Variants in RFC1 observed in about 807,000 individuals in gnomAD.
RFC1 encodes A1 140 kDa subunit.
RFC1 carries 37 observed loss-of-function variants against 137.4 expected under a neutral mutation model. That is an observed-to-expected ratio of 0.27 (90% CI 0.21 to 0.35). The LOEUF is 0.35. RFC1 is among the 10% of genes least tolerant of loss of function. The pLI is 1.00. For missense variants in RFC1, 1,205 were observed against 1,358.5 expected (o/e 0.89, Z 1.78); for synonymous variants, 429 against 455.7 (o/e 0.94, Z 0.75).
intron 9 of RFC1, among the ~76,000 whole-genome samples, chr4:39,317,428 T>C (rs372868395): frequency 1.3e-5 from 2 of 152,378 alleles, no homozygotes; most frequent in South Asian, 4.1e-4. Flanking sequence ...GAAGATATTC[T>C]GTGTTAATCC....
chr4:39,289,882 T>C lies in RFC1; in HGVS notation c.3326A>G (p.Asp1109Gly). The C allele has an allele frequency of 6.2e-7, 1 of 1,613,354 alleles. No homozygotes were observed. The highest frequency in any genetic ancestry group is 1.1e-5 in the South Asian group (1 of 91,080). ...NEDDSQSDEK[D>G]QDAIETDAMI... The stretch of plus-strand genomic sequence containing the variant: ...GGCATCAGTTTCTATAGCATCTTGG[T>C]CTTTCTCATCAGATTGAGAGTCATC... The change falls in exon 24 of 25, where the codon GAC becomes GGC. Residue 1109 changes from aspartate (D) to glycine (G), a missense_variant. Asp to Gly is a moderately conservative substitution (Grantham distance 94). Transcript: ENST00000349703.
At chr4:39,355,136 C>CACACACAA (rs1383123973) in intron 1 of RFC1, among the ~76,000 whole-genome samples, 2 of 131,420 alleles carry the variant, frequency 1.5e-5, no homozygotes, top group Non-Finnish European at 3.2e-5. Flanking sequence ...CACACACACA[C>CACACACAA]AACAGGCCAG....
chr4:39,324,571 CAAACT>C (rs774411831), intron 6 of RFC1, among the ~76,000 whole-genome samples: 33 of 152,166 alleles, frequency 2.2e-4, no homozygotes, highest in Non-Finnish European at 3.1e-4. Flanking sequence ...TTTGAAAACA[CAAACT>C]AAACTGCCAA....
intron 2 of RFC1, among the ~76,000 whole-genome samples, chr4:39,347,400 T>C (rs896907275): frequency 6.6e-6 from 1 of 152,212 alleles, no homozygotes; most frequent in Non-Finnish European, 1.5e-5. Context: ...TTCCTGCCGT[T>C]GGACTCCAAC....
At chr4:39,314,178 A>G (rs973759588) in intron 10 of RFC1, among the ~76,000 whole-genome samples, 2 of 152,198 alleles carry the variant, frequency 1.3e-5, no homozygotes, top group African/African-American at 2.4e-5. Context: ...AGAAACAGCT[A>G]TGAAGGTGCT....
In RFC1 at chr4:39,291,691, T is replaced by C; in HGVS notation, c.3116A>G (p.Glu1039Gly). The change falls in exon 23 of 25, where the codon GAA (glutamate) becomes GGA (glycine). Residue 1039 changes from glutamate to glycine, a missense_variant. Around this residue, in one of 3 missense-constraint regions of RFC1, gnomAD observed 237 missense variants for 304.2 expected, o/e 0.78. Transcript: ENST00000349703. ...LMKEDFENIM[E>G]ISSWGGKPSP... ...AGGTTTGCCACCCCAGCTGCTGATT[T>C]CCATGATATTCTCAAAGTCTTCTTT... 6.2e-7 allele frequency: 1 copy of C among 1,614,174 alleles called. No homozygotes were observed. The highest frequency in any genetic ancestry group is 8.5e-7 in the Non-Finnish European group (1 of 1,180,010).
In RFC1 at chr4:39,302,958, C is replaced by T. The variant is rs55876914; in HGVS notation, c.2203-84G>A. 1.9e-5 allele frequency: 28 copies of T among 1,484,780 alleles called. No individual in the cohort carries two copies. In the African/African-American group the frequency reaches 3.6e-4, roughly 19 times the overall value. 92.0% of individuals were successfully genotyped at this position (1,484,780 alleles called of 1,614,324 possible). A position where few individuals can be genotyped will look rare whatever the true frequency, so the allele number is the denominator to read the frequency against. The stretch of plus-strand genomic sequence containing the variant: ...AGCTATTTTAGGTTCTAAAAATCTC[C>T]TCAGCAACATGCCTTAACTGCCCTA... On this transcript the variant is annotated intron_variant, in intron 16 of 24. Coordinates refer to ENST00000349703, the MANE Select transcript of RFC1 (RefSeq NM_002913.5).
chr4:39,350,369 A>T (rs1741125314), intron 2 of RFC1, among the ~76,000 whole-genome samples: 1 of 152,146 alleles, frequency 6.6e-6, no homozygotes, highest in Non-Finnish European at 1.5e-5. Flanking sequence ...TTGATAAAAG[A>T]TATAAATTTA....
chr4:39,352,444 A>C (rs1741257743), intron 1 of RFC1, among the ~76,000 whole-genome samples: 1 of 152,226 alleles, frequency 6.6e-6, no homozygotes, highest in Non-Finnish European at 1.5e-5. Context: ...TAACCTTTGC[A>C]TAGTCTTCCC....
chr4:39,341,402 G>A, intron 4 of RFC1: 1 of 355,290 alleles, frequency 2.8e-6, no homozygotes, highest in East Asian at 7.3e-5. Context: ...GCACAAAAAG[G>A]TTAAGAGTCA....
At position 39,324,550 on chromosome 4, in the gene RFC1, T is replaced by C. The variant is rs561632295; in HGVS notation, c.643-1133A>G. The stretch of plus-strand genomic sequence containing the variant: ...TGTAATTCAGTGTGATCAAATAAGA[T>C]AGAAAAACATTTTGAAAACACAAAC... On this transcript the variant is annotated intron_variant, in intron 6 of 24. Transcript: ENST00000349703. Among the ~76,000 whole-genome samples the C allele has an allele frequency of 2.6e-5, 4 of 152,282 alleles. No individual in the cohort carries two copies. In the East Asian group the frequency reaches 5.8e-4, roughly 22 times the overall value.
Position 39,300,002 on chromosome 4 carries a change from G to A in RFC1, c.2808+19C>T, listed in dbSNP as rs972340644. The A allele has an allele frequency of 1.2e-5, 17 of 1,441,794 alleles. No homozygotes were observed. The highest frequency in any genetic ancestry group is 1.5e-5 in the Non-Finnish European group (15 of 1,022,972). 89.3% of individuals were successfully genotyped at this position (1,441,794 alleles called of 1,614,324 possible). On this transcript the variant is annotated intron_variant, in intron 21 of 24. Coordinates refer to ENST00000349703, the MANE Select transcript of RFC1 (RefSeq NM_002913.5). ...TAGTAAAAGCAGAGCCTGCATGTTA[G>A]GGAGAGCCCTCTGCTCACCTGCGCA...
Position 39,351,419 on chromosome 4 carries a change from C to T in RFC1, c.61G>A (p.Val21Ile). Reference sequence around the variant, plus strand: ...GACTTTGTTTTCTCATTCTTCTTTACTGTTTCACTTACAAGTTTCTTTCCA... The same window carrying T: ...GACTTTGTTTTCTCATTCTTCTTTATTGTTTCACTTACAAGTTTCTTTCCA... The part of the protein sequence containing the change: ...PSGKKLVSET[V>I]KKNEKTKSDE... The change falls in exon 2 of 25, where the codon GTA (valine) becomes ATA (isoleucine). Residue 21 changes from valine to isoleucine, a missense_variant. Physicochemically the swap from Val to Ile is conservative, Grantham distance 29. Around this residue, in one of 3 missense-constraint regions of RFC1, gnomAD observed 962 missense variants for 1,035.3 expected, o/e 0.93. Transcript: ENST00000349703. The T allele has an allele frequency of 6.3e-7, 1 of 1,580,124 alleles. No individual in the cohort carries two copies. Among genetic ancestry groups the T allele is most frequent in the Non-Finnish European group, 8.6e-7 (1 of 1,166,068 alleles).
rs755923904 is a variant in RFC1 at position 39,295,763 on chromosome 4, A to G, written c.2809-4T>C. On this transcript the variant is annotated splice_polypyrimidine_tract_variant and splice_region_variant and intron_variant, in intron 21 of 24. Coordinates refer to ENST00000349703, the MANE Select transcript of RFC1 (RefSeq NM_002913.5). Reference sequence around the variant, plus strand: ...GAAGAACACTGGCATAAATGGCCTGAAAAAAAATCAATTGCAGTCCAGAAT... The same window carrying G: ...GAAGAACACTGGCATAAATGGCCTGGAAAAAAATCAATTGCAGTCCAGAAT... 3 of 1,600,764 alleles carry G rather than the reference A, an allele frequency of 1.9e-6. No homozygotes were observed. In the East Asian group the frequency reaches 6.7e-5, roughly 36 times the overall value.
intron 4 of RFC1, chr4:39,341,723 T>C (rs577784778): frequency 2.6e-5 from 12 of 455,238 alleles, no homozygotes; most frequent in Middle Eastern, 3.3e-4. Context: ...TCTGAGTTTT[T>C]CTCCTAGGAT....
chr4:39,307,938 AC>A (rs1273318440), intron 13 of RFC1, among the ~76,000 whole-genome samples: 4 of 152,202 alleles, frequency 2.6e-5, no homozygotes, highest in Non-Finnish European at 5.9e-5. Flanking sequence ...TGAAAACACT[AC>A]TAAAACATTT....
chr4:39,358,996 G>A (rs894308669), intron 1 of RFC1, among the ~76,000 whole-genome samples: 2 of 152,074 alleles, frequency 1.3e-5, no homozygotes, highest in East Asian at 1.9e-4. Context: ...TCTCCCAAAG[G>A]TGCCTCTAAC....
Position 39,289,896 on chromosome 4 carries a change from T to C in RFC1, c.3312A>G (p.Gln1104=), listed in dbSNP as rs150973091. 664 of 1,613,238 alleles carry C rather than the reference T, an allele frequency of 4.1e-4. No individual in the cohort carries two copies. Among genetic ancestry groups the C allele is most frequent in the Non-Finnish European group, 5.1e-4 (602 of 1,179,290 alleles). ...TAGCATCTTGGTCTTTCTCATCAGA[T>C]TGAGAGTCATCTTCATTTAATTCTT... ...YNEELNEDDS[Q]SDEKDQDAIE... The change falls in exon 24 of 25, where the codon CAA becomes CAG. Residue 1104 remains glutamine, a synonymous_variant. Coordinates refer to ENST00000349703, the MANE Select transcript of RFC1 (RefSeq NM_002913.5).
chr4:39,334,548 A>G (rs772423705), intron 4 of RFC1, among the ~76,000 whole-genome samples: 1 of 152,186 alleles, frequency 6.6e-6, no homozygotes, highest in Non-Finnish European at 1.5e-5. Context: ...CATTCCAAAT[A>G]AAGTTGTAGT....
Sources: allele counts gnomAD v4.1 joint callset (sites outside exome capture counted in the v4.1 genomes callset), GRCh38; gene constraint gnomAD v4.1.1; regional missense constraint gnomAD v4.1.1; transcripts MANE v1.5; gene names NCBI Gene and HGNC (gene_info 2026-07-23, HGNC 2026-07-21).